Variants in HDAC9 observed in about 807,000 individuals in gnomAD.
HDAC9 encodes the protein MEF-2 interacting transcription repressor (MITR) protein.
A neutral mutation model predicts 139.4 loss-of-function variants in HDAC9; 41 were observed. That is an observed-to-expected ratio of 0.29 (90% CI 0.23 to 0.38). The LOEUF is 0.38. Ranked by LOEUF, HDAC9 falls within the 10% of genes least tolerant of loss-of-function variation. The pLI is 1.00. For synonymous variants in HDAC9, 517 were observed against 476.2 expected (o/e 1.09, Z -1.12); for missense variants, 1,147 against 1,297.0 (o/e 0.88, Z 1.78).
chr7:18,279,408 T>C (rs755675661), intron 2 of HDAC9, among the ~76,000 whole-genome samples: 1 of 151,842 alleles, frequency 6.6e-6, no homozygotes, highest in African/African-American at 2.4e-5. Flanking sequence ...AGTGACATCA[T>C]GATGAAGATG....
chr7:18,968,087 G>T (rs1436046519), intron 24 of HDAC9, among the ~76,000 whole-genome samples: 1 of 152,110 alleles, frequency 6.6e-6, no homozygotes, highest in Non-Finnish European at 1.5e-5. Flanking sequence ...GCTTGAACCC[G>T]GGAGGCGGAG....
At chr7:18,681,950 A>G (rs989137632) in intron 12 of HDAC9, among the ~76,000 whole-genome samples, 1 of 152,064 alleles carries the variant, frequency 6.6e-6, no homozygotes, top group Non-Finnish European at 1.5e-5. Context: ...GGGATTTTTT[A>G]AGCAAATTAT....
intron 1 of HDAC9, among the ~76,000 whole-genome samples, chr7:18,378,422 T>A (rs1785168432): frequency 6.6e-6 from 1 of 152,054 alleles, no homozygotes; most frequent in African/African-American, 2.4e-5. Flanking sequence ...ACATTTATTT[T>A]GTTTTACTAC....
At position 18,824,081 on chromosome 7, in the gene HDAC9, GAAGAAGAAC is replaced by G. The variant is rs879477147; in HGVS notation, c.2323-5074_2323-5066del. Among the ~76,000 whole-genome samples the G allele has an allele frequency of 3.8e-3, 566 of 150,300 alleles. 5 individuals are homozygous for G. Among genetic ancestry groups the G allele is most frequent in the African/African-American group, 8.8e-3 (354 of 40,264 alleles). ...AGAAGAAGAAGAAGAAGAAGAAGAA[GAAGAAGAAC>G]AAGAACAAGAAGGAGAAGAAGAAGA... is the stretch of plus-strand genomic sequence containing the variant. On this transcript the variant is annotated intron_variant, in intron 17 of 25. Transcript: ENST00000686413.
In HDAC9 at chr7:18,255,680, G is replaced by A. The variant is rs188992199; in HGVS notation, c.25+93331G>A. Among the ~76,000 whole-genome samples the A allele has an allele frequency of 6.8e-5, 10 of 146,680 alleles. No individual in the cohort carries two copies. The East Asian group carries it at 1.2e-3, about 18-fold the overall frequency. On this transcript the variant is annotated intron_variant, in intron 2 of 12. Coordinates refer to the HDAC9 transcript ENST00000417496. ...GTCTCGCCCTGTTGCCCAGGCGGGC[G>A]CGCGGTGACGTGATTTCGGCTCACT...
At chr7:18,483,256 A>G (rs1381121734) in intron 1 of HDAC9, among the ~76,000 whole-genome samples, 1 of 152,210 alleles carries the variant, frequency 6.6e-6, no homozygotes, top group African/African-American at 2.4e-5. Context: ...AAGAACAGGT[A>G]ATGATTGCTG....
intron 2 of HDAC9, among the ~76,000 whole-genome samples, chr7:18,527,525 C>T (rs1408269394): frequency 5.3e-5 from 8 of 151,556 alleles, no homozygotes; most frequent in Non-Finnish European, 1.0e-4. Context: ...GTGATAATAC[C>T]GAAAAAAATC....
At chr7:18,399,299 C>A (rs1051756289) in intron 1 of HDAC9, among the ~76,000 whole-genome samples, 1 of 151,880 alleles carries the variant, frequency 6.6e-6, no homozygotes, top group Non-Finnish European at 1.5e-5. Flanking sequence ...CCCTTCTGTA[C>A]CAGATTTACA....
intron 6 of HDAC9, among the ~76,000 whole-genome samples, chr7:18,610,857 A>G (rs1199029662): frequency 6.6e-6 from 1 of 152,198 alleles, no homozygotes; most frequent in Admixed American, 6.6e-5. Context: ...CTGCTGTGCT[A>G]TTCCCATGTA....
intron 16 of HDAC9, among the ~76,000 whole-genome samples, chr7:18,774,437 C>T (rs1166058605): frequency 2.6e-5 from 4 of 152,004 alleles, no homozygotes; most frequent in African/African-American, 7.2e-5. Context: ...CAGAGCAACA[C>T]AGTAAAGCAA....
intron 2 of HDAC9, among the ~76,000 whole-genome samples, chr7:18,284,264 C>A (rs536215594): frequency 3.9e-5 from 6 of 152,092 alleles, no homozygotes; most frequent in Non-Finnish European, 7.4e-5. Context: ...TTGGTATTTA[C>A]AACACACATA....
chr7:18,854,541 G>T lies in HDAC9; in HGVS notation c.2684+18544G>T, dbSNP rs140587353. 1.4e-4 allele frequency among the ~76,000 whole-genome samples: 22 copies of T among 152,130 alleles called. 1 individual carries two copies. The East Asian group carries it at 4.1e-3, about 28-fold the overall frequency. On this transcript the variant is annotated intron_variant, in intron 21 of 25. Transcript: ENST00000686413. ...ATTCAGGTGTATTTCCAATTAAACAGAAAGGAGAATCAGAAGAAGAGTCAA... is the reference window on the plus strand; with the variant it reads ...ATTCAGGTGTATTTCCAATTAAACATAAAGGAGAATCAGAAGAAGAGTCAA...
At chr7:18,973,720 G>C (rs1481835642) in intron 24 of HDAC9, among the ~76,000 whole-genome samples, 2 of 152,168 alleles carry the variant, frequency 1.3e-5, no homozygotes, top group Non-Finnish European at 2.9e-5. Flanking sequence ...GAGAGATGTA[G>C]GGTAGGCCAA....
At chr7:18,645,972 T>G (rs941412026) in intron 9 of HDAC9, among the ~76,000 whole-genome samples, 1 of 152,168 alleles carries the variant, frequency 6.6e-6, no homozygotes, top group East Asian at 1.9e-4. Flanking sequence ...GGATGTTGTC[T>G]TATATCTGGG....
At chr7:18,353,356 T>G (rs1383677987) in intron 1 of HDAC9, among the ~76,000 whole-genome samples, 1 of 152,142 alleles carries the variant, frequency 6.6e-6, no homozygotes, top group African/African-American at 2.4e-5. Context: ...TAACTCCATG[T>G]GTCACAAAAA....
intron 2 of HDAC9, among the ~76,000 whole-genome samples, chr7:18,188,820 A>G (rs1342280848): frequency 8.9e-6 from 1 of 112,212 alleles, no homozygotes; most frequent in East Asian, 2.6e-4. Context: ...TAGAATGGCG[A>G]TTATTAAAAA....
chr7:18,410,257 A>C (rs1788422708), intron 1 of HDAC9, among the ~76,000 whole-genome samples: 1 of 152,172 alleles, frequency 6.6e-6, no homozygotes, highest in Non-Finnish European at 1.5e-5. Context: ...GTGGGACTGC[A>C]TGGGGCCAGG....
At chr7:18,298,444 C>T (rs1798298987) in intron 1 of HDAC9, among the ~76,000 whole-genome samples, 1 of 152,080 alleles carries the variant, frequency 6.6e-6, no homozygotes, top group Non-Finnish European at 1.5e-5. Flanking sequence ...CGCTCCCCAC[C>T]CCACCACAGT....
At chr7:18,506,810 A>G (rs936149239) in intron 2 of HDAC9, among the ~76,000 whole-genome samples, 4 of 152,176 alleles carry the variant, frequency 2.6e-5, no homozygotes, top group African/African-American at 9.7e-5. Context: ...ACTGATTTAA[A>G]TAGATGAGAT....
Sources: allele counts gnomAD v4.1 joint callset (sites outside exome capture counted in the v4.1 genomes callset), GRCh38; gene constraint gnomAD v4.1.1; transcripts MANE v1.5; gene names NCBI Gene and HGNC (gene_info 2026-07-23, HGNC 2026-07-21).